ATG10: variants seen among roughly 807,000 people sequenced by gnomAD.
ATG10 encodes the protein autophagy related 10.
In ATG10, 30 loss-of-function variants were observed where a neutral mutation model predicts 32.1. The observed-to-expected ratio is 0.94, with a 90% CI of 0.70 to 1.27. ATG10 has a LOEUF of 1.27. ATG10 is among the 50% of genes most tolerant of loss of function. The pLI is 0.00. For missense variants in ATG10, 233 were observed against 262.3 expected, an observed-to-expected ratio of 0.89 and a Z score of 0.77; for synonymous variants, 87 against 91.5, an observed-to-expected ratio of 0.95 and a Z score of 0.28.
intron 1 of ATG10, among the ~76,000 whole-genome samples, chr5:81,979,174 A>G (rs564000444): frequency 2.6e-4 from 39 of 150,310 alleles, no homozygotes; most frequent in Non-Finnish European, 4.6e-4. Flanking sequence ...TGCTGGGATT[A>G]CAGGCGTGAG....
chr5:81,974,346 G>T (rs763027828), intron 1 of ATG10, among the ~76,000 whole-genome samples: 1 of 152,152 alleles, frequency 6.6e-6, no homozygotes, highest in Non-Finnish European at 1.5e-5. Flanking sequence ...GTACCTGAAG[G>T]AATCTTAATT....
intron 2 of ATG10, among the ~76,000 whole-genome samples, chr5:82,052,968 A>G (rs1042099968): frequency 6.6e-6 from 1 of 152,342 alleles, no homozygotes; most frequent in East Asian, 1.9e-4. Context: ...TTTACTACAT[A>G]TGTGACTATA....
intron 3 of ATG10, among the ~76,000 whole-genome samples, chr5:82,157,791 C>T (rs982760724): frequency 3.3e-5 from 5 of 152,124 alleles, no homozygotes; most frequent in African/African-American, 1.2e-4. Context: ...GTTTCTGTGT[C>T]CAGTCTTCAG....
intron 2 of ATG10, among the ~76,000 whole-genome samples, chr5:81,998,532 A>G (rs1761735674): frequency 6.6e-6 from 1 of 152,240 alleles, no homozygotes. Flanking sequence ...AAATCCACAT[A>G]TATCAATATG....
intron 3 of ATG10, among the ~76,000 whole-genome samples, chr5:82,114,362 A>G (rs181053591): frequency 6.6e-5 from 10 of 152,074 alleles, no homozygotes; most frequent in East Asian, 3.9e-4. Flanking sequence ...CATGTTTCCA[A>G]TGACACTGTC....
rs144022531 is a variant in ATG10 at position 82,217,054 on chromosome 5, C to CAA, written c.454-35497_454-35496dup. ...TGGGTGACAGAGTGAGACTCAGTCT[C>CAA]AAAAAAAAAAAATGACGATGGTAGC... On this transcript the variant is annotated intron_variant, in intron 5 of 7. Transcript: ENST00000282185. 9.6e-3 allele frequency among the ~76,000 whole-genome samples: 1,389 copies of CAA among 144,228 alleles called. 11 individuals carry two copies. The highest frequency in any genetic ancestry group is 0.012 in the Non-Finnish European group (792 of 65,342). The allele number at this position is 144,228 out of a possible 152,430, so 94.6% of individuals were successfully genotyped here. A position where few individuals can be genotyped will look rare whatever the true frequency, so the allele number is the denominator to read the frequency against.
chr5:82,072,746 C>G (rs1764168240), intron 3 of ATG10, among the ~76,000 whole-genome samples: 1 of 152,116 alleles, frequency 6.6e-6, no homozygotes, highest in African/African-American at 2.4e-5. Flanking sequence ...GATCCACCTT[C>G]CATACTGGAA....
At chr5:82,015,120 G>A (rs1162963899) in intron 2 of ATG10, among the ~76,000 whole-genome samples, 1 of 151,672 alleles carries the variant, frequency 6.6e-6, no homozygotes, top group African/African-American at 2.4e-5. Flanking sequence ...TTCTGGGTTG[G>A]AAATTCTCTT....
chr5:82,133,079 A>G (rs1265195703), intron 3 of ATG10, among the ~76,000 whole-genome samples: 2 of 151,996 alleles, frequency 1.3e-5, no homozygotes, highest in Non-Finnish European at 2.9e-5. Context: ...CCACTTTTTG[A>G]TGGGATTGTT....
chr5:82,231,083 C>T (rs940758833), intron 5 of ATG10, among the ~76,000 whole-genome samples: 1 of 152,140 alleles, frequency 6.6e-6, no homozygotes, highest in African/African-American at 2.4e-5. Flanking sequence ...GAGAAAATGA[C>T]GGTAAACTCA....
At chr5:82,130,088 C>A (rs893963871) in intron 3 of ATG10, among the ~76,000 whole-genome samples, 1 of 152,200 alleles carries the variant, frequency 6.6e-6, no homozygotes, top group African/African-American at 2.4e-5. Flanking sequence ...GCCGCTTTGC[C>A]AAGCTGCGGC....
At chr5:82,084,365 C>T (rs1241597535) in intron 3 of ATG10, among the ~76,000 whole-genome samples, 1 of 152,130 alleles carries the variant, frequency 6.6e-6, no homozygotes, top group Non-Finnish European at 1.5e-5. Context: ...ATTGGTGTAC[C>T]TGAAAGTGAC....
chr5:82,089,338 GT>G (rs936570015), intron 3 of ATG10, among the ~76,000 whole-genome samples: 10 of 144,106 alleles, frequency 6.9e-5, no homozygotes, highest in Admixed American at 2.1e-4. Context: ...GTGAAACTCT[GT>G]CTCAAAAAAA....
chr5:81,993,459 C>T (rs559945796), intron 2 of ATG10, among the ~76,000 whole-genome samples: 36 of 144,828 alleles, frequency 2.5e-4, no homozygotes, highest in African/African-American at 3.9e-4. Flanking sequence ...GGCAGAGTCT[C>T]GCCCTGTTGC....
Position 82,118,650 on chromosome 5 carries a change from C to CT in ATG10, c.217-45747dup, listed in dbSNP as rs755888784. On this transcript the variant is annotated intron_variant, in intron 3 of 7. Coordinates refer to ENST00000282185, the MANE Select transcript of ATG10 (RefSeq NM_031482.5). ...GAATTGAGATGCCATGGGACATCCACTTGGAGATATGAATCTATCTAAACT... is the reference window on the plus strand; with the variant it reads ...GAATTGAGATGCCATGGGACATCCACTTTGGAGATATGAATCTATCTAAACT... 9.2e-4 allele frequency among the ~76,000 whole-genome samples: 140 copies of CT among 151,928 alleles called. 1 individual carries two copies. Among genetic ancestry groups the CT allele is most frequent in the Admixed American group, 5.3e-3 (80 of 15,226 alleles).
chr5:82,123,147 A>G (rs909059859), intron 3 of ATG10, among the ~76,000 whole-genome samples: 2 of 152,226 alleles, frequency 1.3e-5, no homozygotes, highest in Admixed American at 6.5e-5. Flanking sequence ...AAGAAGATGT[A>G]GTACATATAC....
At chr5:82,016,322 C>T (rs916533991) in intron 2 of ATG10, among the ~76,000 whole-genome samples, 6 of 152,140 alleles carry the variant, frequency 3.9e-5, no homozygotes, top group African/African-American at 1.2e-4. Context: ...TATCCCAGCA[C>T]CATTTGTTGA....
chr5:82,033,425 C>T (rs866641492), intron 2 of ATG10, among the ~76,000 whole-genome samples: 3 of 151,482 alleles, frequency 2.0e-5, no homozygotes, highest in Non-Finnish European at 4.4e-5. Context: ...GCAACCTCCA[C>T]CTTCTGGGTT....
chr5:82,223,115 C>G lies in ATG10; in HGVS notation c.454-29447C>G, dbSNP rs538159038. Among the ~76,000 whole-genome samples, 174 of 152,284 alleles carry G rather than the reference C, an allele frequency of 1.1e-3. 2 individuals carry two copies. The highest frequency in any genetic ancestry group is 2.3e-3 in the Admixed American group (35 of 15,300). On this transcript the variant is annotated intron_variant, in intron 5 of 7. Coordinates refer to ENST00000282185, the MANE Select transcript of ATG10 (RefSeq NM_031482.5). Reference sequence around the variant, plus strand: ...GAGAGATAGCAAATGCATTTACAGTCACTAATAGCACCAAACAAGGCTGCA... The same window carrying G: ...GAGAGATAGCAAATGCATTTACAGTGACTAATAGCACCAAACAAGGCTGCA...
Sources: allele counts gnomAD v4.1 joint callset (sites outside exome capture counted in the v4.1 genomes callset), GRCh38; gene constraint gnomAD v4.1.1; transcripts MANE v1.5; gene names NCBI Gene and HGNC (gene_info 2026-07-23, HGNC 2026-07-21).